Variants in GRB10 observed in about 807,000 individuals in gnomAD.
GRB10 encodes growth factor receptor bound protein 10, also known as growth factor receptor-bound protein 10.
A neutral mutation model predicts 80.9 loss-of-function variants in GRB10; 20 were observed. The ratio of observed to expected loss-of-function variants is 0.25; its 90% CI spans 0.17 to 0.36. The LOEUF is 0.36. GRB10 is among the 10% of genes least tolerant of loss of function. The pLI, the probability that GRB10 is intolerant of heterozygous loss-of-function variation, is 1.00. For synonymous variants in GRB10, 291 were observed against 291.5 expected (o/e 1.00, Z 0.02); for missense variants, 548 against 747.7 (o/e 0.73, Z 3.12).
intron 4 of GRB10, among the ~76,000 whole-genome samples, chr7:50,725,404 C>A (rs944591302): frequency 3.9e-5 from 6 of 152,172 alleles, no homozygotes; most frequent in Non-Finnish European, 7.3e-5. Context: ...AATTAAACCT[C>A]ATTTCTTTAT....
At chr7:50,787,233 A>C (rs2078730231), upstream of GRB10, among the ~76,000 whole-genome samples, 1 of 151,554 alleles carries the variant, frequency 6.6e-6, no homozygotes, top group South Asian at 2.1e-4. Flanking sequence ...GGAGTTTGAA[A>C]TCAAGAATCA....
rs144434216 is a variant in GRB10 at position 50,688,557 on chromosome 7, T to G, written c.140-13899A>C. ...GGGGAGGGCAAAAATAAACAGCGGT[T>G]CCAGAAAGGTAAGCTGTCTATGCAG... On this transcript the variant is annotated intron_variant, in intron 5 of 18. Transcript: ENST00000401949. Among the ~76,000 whole-genome samples, 260 of 152,146 alleles carry G rather than the reference T, an allele frequency of 1.7e-3. 2 individuals carry two copies. The highest frequency in any genetic ancestry group is 6.2e-3 in the African/African-American group (259 of 41,492).
chr7:50,667,945 T>C (rs2059978054), intron 7 of GRB10, among the ~76,000 whole-genome samples: 1 of 152,176 alleles, frequency 6.6e-6, no homozygotes, highest in African/African-American at 2.4e-5. Flanking sequence ...ATGGTCTTAT[T>C]TTAGAATGGG....
chr7:50,733,523 C>T (rs934256933), intron 3 of GRB10, among the ~76,000 whole-genome samples: 7 of 152,178 alleles, frequency 4.6e-5, no homozygotes, highest in Non-Finnish European at 8.8e-5. Context: ...CACCAAAGAA[C>T]GCCCCAGAAC....
chr7:50,650,388 G>A (rs933033259), intron 7 of GRB10, among the ~76,000 whole-genome samples: 6 of 152,134 alleles, frequency 3.9e-5, no homozygotes, highest in Non-Finnish European at 8.8e-5. Flanking sequence ...GTCCTGGGAG[G>A]TCTGCAGAAA....
upstream of GRB10, among the ~76,000 whole-genome samples, chr7:50,783,466 C>T (rs76295223): frequency 7.3e-5 from 3 of 40,886 alleles, no homozygotes; most frequent in East Asian, 1.2e-3. Flanking sequence ...TCCCACCCAC[C>T]CACTCACATA....
intron 2 of GRB10, among the ~76,000 whole-genome samples, chr7:50,780,029 G>GC (rs1459572170): frequency 1.3e-5 from 2 of 152,116 alleles, no homozygotes; most frequent in Non-Finnish European, 2.9e-5. Context: ...ATGCCTACTG[G>GC]CCCCCCAATC....
rs577390405 is a variant in GRB10 at position 50,639,664 on chromosome 7, ACT to A, written c.505-12688_505-12687del. On this transcript the variant is annotated intron_variant, in intron 7 of 18. Coordinates refer to ENST00000401949, the MANE Select transcript of GRB10 (RefSeq NM_001350814.2). ...CTCCAGCTTGGGCGACCAGAGCAAG[ACT>A]CTGTCTCAAAAAAAAAAAAAAAAGT... Among the ~76,000 whole-genome samples the A allele has an allele frequency of 3.4e-4, 50 of 146,844 alleles. No homozygotes were observed. In the East Asian group the frequency reaches 9.4e-3, roughly 28 times the overall value.
intron 2 of GRB10, among the ~76,000 whole-genome samples, chr7:50,759,311 G>C (rs1487306259): frequency 1.3e-5 from 2 of 152,180 alleles, no homozygotes; most frequent in African/African-American, 4.8e-5. Context: ...TCCTGGTGAA[G>C]ATGATAGAAC....
chr7:50,706,515 G>A (rs772216815), intron 4 of GRB10, among the ~76,000 whole-genome samples: 6 of 152,166 alleles, frequency 3.9e-5, no homozygotes, highest in Non-Finnish European at 7.4e-5. Flanking sequence ...CGGAGTGGAG[G>A]CAACCGCCTG....
chr7:50,649,401 CCT>C (rs1281198018), intron 7 of GRB10, among the ~76,000 whole-genome samples: 1 of 152,174 alleles, frequency 6.6e-6, no homozygotes, highest in Admixed American at 6.5e-5. Flanking sequence ...CAGGAAAGAG[CCT>C]CTGTGTGGAG....
intron 17 of GRB10, among the ~76,000 whole-genome samples, chr7:50,600,360 C>G (rs1247909853): frequency 1.3e-5 from 2 of 152,156 alleles, no homozygotes; most frequent in Non-Finnish European, 2.9e-5. Context: ...AGAGACTGCT[C>G]TGTGATAAAG....
At chr7:50,701,969 A>G (rs974501038) in intron 5 of GRB10, among the ~76,000 whole-genome samples, 1 of 152,146 alleles carries the variant, frequency 6.6e-6, no homozygotes, top group African/African-American at 2.4e-5. Flanking sequence ...TAGCTATACC[A>G]TATTTCTTAG....
chr7:50,744,606 TC>T (rs775122287), intron 3 of GRB10, among the ~76,000 whole-genome samples: 1 of 152,324 alleles, frequency 6.6e-6, no homozygotes, highest in South Asian at 2.1e-4. Flanking sequence ...TGGGAGCACT[TC>T]CAGTTTCACT....
At chr7:50,630,991 G>C (rs996899737) in intron 7 of GRB10, among the ~76,000 whole-genome samples, 3 of 152,118 alleles carry the variant, frequency 2.0e-5, no homozygotes, top group Non-Finnish European at 4.4e-5. Context: ...AGAACAATTG[G>C]AGTTGAAGGT....
chr7:50,633,401 G>C (rs1446867735), intron 7 of GRB10, among the ~76,000 whole-genome samples: 1 of 152,122 alleles, frequency 6.6e-6, no homozygotes, highest in African/African-American at 2.4e-5. Flanking sequence ...CTCAAGGTGG[G>C]GGAGGGAAGA....
At chr7:50,765,932 T>C (rs1357157537) in intron 2 of GRB10, among the ~76,000 whole-genome samples, 1 of 152,220 alleles carries the variant, frequency 6.6e-6, no homozygotes, top group Non-Finnish European at 1.5e-5. Flanking sequence ...AATTATCTCA[T>C]GTACCTTGAA....
chr7:50,783,521 CCA>C (rs563887300), upstream of GRB10, among the ~76,000 whole-genome samples: 336 of 151,138 alleles, frequency 2.2e-3, 1 homozygote, highest in African/African-American at 7.2e-3. Context: ...CACACATACA[CCA>C]CACACACACA....
At position 50,768,383 on chromosome 7, in the gene GRB10, A is replaced by G. The variant is rs189300445; in HGVS notation, c.-217+12244T>C. Among the ~76,000 whole-genome samples, 6 of 152,252 alleles carry G rather than the reference A, an allele frequency of 3.9e-5. No homozygotes were observed. In the East Asian group the frequency reaches 1.2e-3, roughly 29 times the overall value. ...CCATTGCTACCTCCTTCAATCCCCA[A>G]ATTAAGACTTCAATTGCCCTAATAA... On this transcript the variant is annotated intron_variant, in intron 2 of 18. Transcript: ENST00000401949.
Sources: gnomAD v4.1 joint callset for allele counts (sites outside exome capture counted in the v4.1 genomes callset) on GRCh38, gnomAD v4.1.1 for gene constraint, MANE v1.5 for transcripts, NCBI Gene and HGNC (gene_info 2026-07-23, HGNC 2026-07-21) for gene names.